MAPK8: variants seen among roughly 807,000 people sequenced by gnomAD.
MAPK8 encodes JUN N-terminal kinase.
A neutral mutation model predicts 52.9 loss-of-function variants in MAPK8; 13 were observed. The ratio of observed to expected loss-of-function variants is 0.25; its 90% CI spans 0.16 to 0.39. The LOEUF is 0.39. MAPK8 is among the 10% of genes least tolerant of loss of function. The probability of loss-of-function intolerance (pLI) is 1.00; values close to 1 mark genes in which losing one functional copy is unlikely to be tolerated. For synonymous variants in MAPK8, 191 were observed against 169.8 expected, an observed-to-expected ratio of 1.12 and a Z score of -0.97; for missense variants, 300 against 519.2, an observed-to-expected ratio of 0.58 and a Z score of 4.10.
chr10:48,428,342 C>G (rs904470683), intron 10 of MAPK8, among the ~76,000 whole-genome samples: 6 of 152,098 alleles, frequency 3.9e-5, no homozygotes, highest in Non-Finnish European at 8.8e-5. Context: ...TTTGTAACTG[C>G]GTGACTTTGA....
At chr10:48,362,641 A>G (rs1052338868) in intron 1 of MAPK8, among the ~76,000 whole-genome samples, 1 of 151,976 alleles carries the variant, frequency 6.6e-6, no homozygotes, top group Non-Finnish European at 1.5e-5. Context: ...TTCCAAGACC[A>G]TAGTTTTATG....
intron 1 of MAPK8, among the ~76,000 whole-genome samples, chr10:48,378,040 G>C (rs1431626560): frequency 6.6e-6 from 1 of 151,882 alleles, no homozygotes; most frequent in Non-Finnish European, 1.5e-5. Context: ...TACCTTTTTG[G>C]GACTGATAAC....
At chr10:48,380,687 C>T (rs2040946761) in intron 1 of MAPK8, among the ~76,000 whole-genome samples, 1 of 152,190 alleles carries the variant, frequency 6.6e-6, no homozygotes, top group African/African-American at 2.4e-5. Context: ...GAGCCAAGAT[C>T]ACGCCAGTGC....
intron 1 of MAPK8, among the ~76,000 whole-genome samples, chr10:48,370,870 A>G (rs976727371): frequency 1.3e-5 from 2 of 152,130 alleles, no homozygotes; most frequent in Non-Finnish European, 2.9e-5. Flanking sequence ...CAAAATTGGG[A>G]GATTATAATT....
chr10:48,354,755 A>G (rs1846690110), intron 1 of MAPK8, among the ~76,000 whole-genome samples: 1 of 152,120 alleles, frequency 6.6e-6, no homozygotes, highest in African/African-American at 2.4e-5. Context: ...TGACCCTTGT[A>G]TAATTTGCAG....
chr10:48,321,948 A>G (rs532883546), intron 1 of MAPK8, among the ~76,000 whole-genome samples: 1 of 152,350 alleles, frequency 6.6e-6, no homozygotes, highest in African/African-American at 2.4e-5. Flanking sequence ...ATTTATATAT[A>G]GATACACACA....
chr10:48,381,017 T>C (rs1480337125), intron 1 of MAPK8, among the ~76,000 whole-genome samples: 3 of 152,114 alleles, frequency 2.0e-5, no homozygotes, highest in African/African-American at 7.2e-5. Flanking sequence ...AATCTCTCTC[T>C]CCCTCCTTTT....
chr10:48,418,905 A>G (rs1310983260), intron 5 of MAPK8, among the ~76,000 whole-genome samples: 1 of 152,240 alleles, frequency 6.6e-6, no homozygotes, highest in Admixed American at 6.5e-5. Context: ...CTGCTAGTAT[A>G]AAGAGCCAGT....
At chr10:48,411,912 T>C (rs915479824) in intron 5 of MAPK8, among the ~76,000 whole-genome samples, 6 of 139,154 alleles carry the variant, frequency 4.3e-5, no homozygotes, top group Non-Finnish European at 6.2e-5. Flanking sequence ...TTCTCCATTC[T>C]CAGCTCACTG....
chr10:48,364,420 A>G (rs1847844005), intron 1 of MAPK8, among the ~76,000 whole-genome samples: 1 of 151,814 alleles, frequency 6.6e-6, no homozygotes, highest in Non-Finnish European at 1.5e-5. Flanking sequence ...GACCCTGTTG[A>G]TATTGCCTGA....
intron 1 of MAPK8, among the ~76,000 whole-genome samples, chr10:48,328,496 TTC>T (rs1205721965): frequency 6.6e-6 from 1 of 152,218 alleles, no homozygotes; most frequent in Admixed American, 6.5e-5. Context: ...CTTCCTTGCT[TTC>T]TGGCAGGATA....
chr10:48,342,888 T>C (rs1005959741), intron 1 of MAPK8, among the ~76,000 whole-genome samples: 2 of 152,164 alleles, frequency 1.3e-5, no homozygotes, highest in Non-Finnish European at 2.9e-5. Flanking sequence ...TTTTATTATA[T>C]TGAGGTAGTA....
intron 5 of MAPK8, among the ~76,000 whole-genome samples, chr10:48,411,323 T>G (rs1327134020): frequency 1.3e-5 from 2 of 152,210 alleles, no homozygotes; most frequent in Non-Finnish European, 2.9e-5. Flanking sequence ...AACTTCATTC[T>G]TTTGTATGTG....
intron 1 of MAPK8, among the ~76,000 whole-genome samples, chr10:48,391,627 C>A (rs908055639): frequency 1.3e-5 from 2 of 152,158 alleles, no homozygotes; most frequent in African/African-American, 4.8e-5. Context: ...ACACACCAAG[C>A]AAGCGATCAG....
At position 48,422,395 on chromosome 10, in the gene MAPK8, T is replaced by C. The variant is rs73309937; in HGVS notation, c.617-1693T>C. Among the ~76,000 whole-genome samples, 530 of 152,318 alleles carry C rather than the reference T, an allele frequency of 3.5e-3. 4 individuals carry two copies. Among genetic ancestry groups the C allele is most frequent in the African/African-American group, 0.012 (517 of 41,568 alleles). ...TTATTGCAGGCTACTCAGAGCATTT[T>C]GGAAAGCAGTGTAATCAATATATTT... On this transcript the variant is annotated intron_variant, in intron 6 of 11. Transcript: ENST00000374189.
intron 2 of MAPK8, among the ~76,000 whole-genome samples, chr10:48,402,012 G>C (rs1181016420): frequency 1.3e-5 from 2 of 152,118 alleles, no homozygotes; most frequent in African/African-American, 2.4e-5. Flanking sequence ...CTTAGGACCA[G>C]AAGTGTCAGA....
At chr10:48,398,332 C>T (rs939096150) in intron 1 of MAPK8, among the ~76,000 whole-genome samples, 1 of 152,046 alleles carries the variant, frequency 6.6e-6, no homozygotes, top group Non-Finnish European at 1.5e-5. Context: ...AAAATAATTA[C>T]ATAAACGGCA....
Position 48,381,306 on chromosome 10 carries a change from A to C in MAPK8, c.-49-20306A>C, listed in dbSNP as rs146838172. ...AGCTATATCATGTAAATTTTGAAAC[A>C]ATCTTTAACCTCTAAACTAGGCAAA... On this transcript the variant is annotated intron_variant, in intron 1 of 11. Transcript: ENST00000374189. 1.2e-4 allele frequency among the ~76,000 whole-genome samples: 18 copies of C among 152,280 alleles called. No homozygotes were observed. The East Asian group carries it at 3.3e-3, about 28-fold the overall frequency.
chr10:48,326,372 A>G (rs562909889), intron 1 of MAPK8, among the ~76,000 whole-genome samples: 48 of 152,284 alleles, frequency 3.2e-4, no homozygotes, highest in African/African-American at 1.0e-3. Flanking sequence ...TGCCTGTGAC[A>G]TACTTCCATC....
Sources: gnomAD v4.1 joint callset for allele counts (sites outside exome capture counted in the v4.1 genomes callset) on GRCh38, gnomAD v4.1.1 for gene constraint, MANE v1.5 for transcripts, NCBI Gene and HGNC (gene_info 2026-07-23, HGNC 2026-07-21) for gene names.